The following SYNDIG1 variants were observed in gnomAD, a reference collection of about 807,000 sequenced individuals.
SYNDIG1 encodes the protein synapse differentiation-inducing gene protein 1.
A neutral mutation model predicts 19.4 loss-of-function variants in SYNDIG1; 9 were observed. The observed-to-expected ratio is 0.46, with a 90% CI of 0.28 to 0.81. The LOEUF (loss-of-function observed/expected upper bound fraction) is 0.81, where lower values mean the gene tolerates loss of function less well. SYNDIG1 is among the 30% of genes least tolerant of loss of function. SYNDIG1 has a pLI of 0.12. For synonymous variants in SYNDIG1, 141 were observed against 145.9 expected (o/e 0.97, Z 0.24); for missense variants, 311 against 343.3 (o/e 0.91, Z 0.74).
rs2059063796 is a variant in SYNDIG1, at chr20:24,623,091, A to C, written c.618+38098A>C. On this transcript the variant is annotated intron_variant, in intron 3 of 3. Coordinates refer to ENST00000376862, the MANE Select transcript of SYNDIG1 (RefSeq NM_024893.3). ...CTACTCGGGAGACTGAGACAGGAGA[A>C]TTGCTTGAACATAGGAGTCGGAGGT... Among the ~76,000 whole-genome samples, 3 of 151,634 alleles carry C rather than the reference A, an allele frequency of 2.0e-5. No individual in the cohort carries two copies. The South Asian group carries it at 6.3e-4, about 32-fold the overall frequency.
chr20:24,637,667 A>T (rs1004890447), intron 3 of SYNDIG1, among the ~76,000 whole-genome samples: 2 of 152,222 alleles, frequency 1.3e-5, no homozygotes, highest in Non-Finnish European at 2.9e-5. Flanking sequence ...TGATGCCAGA[A>T]ACAGAACAGG....
chr20:24,538,278 C>G (rs529417484), intron 1 of SYNDIG1, among the ~76,000 whole-genome samples: 1 of 152,162 alleles, frequency 6.6e-6, no homozygotes, highest in East Asian at 1.9e-4. Flanking sequence ...ACTCCCATCC[C>G]CTGGAAACCA....
intron 3 of SYNDIG1, among the ~76,000 whole-genome samples, chr20:24,646,856 G>C (rs1236130792): frequency 6.6e-6 from 1 of 152,068 alleles, no homozygotes; most frequent in African/African-American, 2.4e-5. Context: ...TCTGACCTCA[G>C]GTGATCCACC....
At chr20:24,500,277 C>A (rs2056406947) in intron 1 of SYNDIG1, among the ~76,000 whole-genome samples, 1 of 152,054 alleles carries the variant, frequency 6.6e-6, no homozygotes, top group Non-Finnish European at 1.5e-5. Flanking sequence ...AAATATAATT[C>A]ACAGAAATCG....
chr20:24,645,046 G>A (rs985282649), intron 3 of SYNDIG1, among the ~76,000 whole-genome samples: 7 of 152,196 alleles, frequency 4.6e-5, no homozygotes, highest in Admixed American at 4.6e-4. Context: ...TCTGACCCTG[G>A]AAAAATGCTC....
chr20:24,494,668 G>A (rs950105760), intron 1 of SYNDIG1, among the ~76,000 whole-genome samples: 5 of 152,198 alleles, frequency 3.3e-5, no homozygotes, highest in Non-Finnish European at 5.9e-5. Flanking sequence ...AGGCAGCAGG[G>A]ACCGGGGCCC....
chr20:24,492,732 C>A (rs1388019753), intron 1 of SYNDIG1, among the ~76,000 whole-genome samples: 1 of 152,236 alleles, frequency 6.6e-6, no homozygotes, highest in Non-Finnish European at 1.5e-5. Context: ...GGCCCAGCAC[C>A]CAGCTTACCA....
rs1463730652 is a variant in SYNDIG1, at chr20:24,648,966, G to C, written c.619-16380G>C. Among the ~76,000 whole-genome samples the C allele has an allele frequency of 9.2e-5, 14 of 152,220 alleles. 1 individual carries two copies. The East Asian group carries it at 2.7e-3, about 29-fold the overall frequency. On this transcript the variant is annotated intron_variant, in intron 3 of 3. Coordinates refer to ENST00000376862, the MANE Select transcript of SYNDIG1 (RefSeq NM_024893.3). ...CTTCATTCATGTCATCCAGGTGCAA[G>C]GTGCGATGTTAAGTGTTGAAAAAAG...
At chr20:24,660,269 T>C (rs2059571093) in intron 3 of SYNDIG1, among the ~76,000 whole-genome samples, 1 of 151,994 alleles carries the variant, frequency 6.6e-6, no homozygotes, top group Non-Finnish European at 1.5e-5. Context: ...TTTACGGGAG[T>C]GGAATTGTTG....
chr20:24,584,224 G>C (rs573497868), intron 2 of SYNDIG1, among the ~76,000 whole-genome samples: 1 of 152,084 alleles, frequency 6.6e-6, no homozygotes, highest in African/African-American at 2.4e-5. Flanking sequence ...AGCCACCCTC[G>C]TGCTCCAGGT....
At chr20:24,624,900 G>A (rs1272716355) in intron 3 of SYNDIG1, among the ~76,000 whole-genome samples, 1 of 152,002 alleles carries the variant, frequency 6.6e-6, no homozygotes, top group African/African-American at 2.4e-5. Flanking sequence ...GAAAGATACA[G>A]GTTATTTCTC....
chr20:24,626,573 A>T (rs1346710660), intron 3 of SYNDIG1, among the ~76,000 whole-genome samples: 1 of 142,960 alleles, frequency 7.0e-6, no homozygotes, highest in Non-Finnish European at 1.5e-5. Flanking sequence ...CCGGGCAGAG[A>T]CGCTCCTCAC....
chr20:24,581,193 C>A (rs1010633243), intron 2 of SYNDIG1, among the ~76,000 whole-genome samples: 24 of 152,140 alleles, frequency 1.6e-4, no homozygotes, highest in Non-Finnish European at 3.1e-4. Flanking sequence ...GGATTCCAGA[C>A]TCCAGCAGCC....
intron 3 of SYNDIG1, among the ~76,000 whole-genome samples, chr20:24,653,413 G>A (rs943082415): frequency 5.3e-5 from 8 of 152,084 alleles, no homozygotes; most frequent in Non-Finnish European, 1.2e-4. Flanking sequence ...AGTTGTAATC[G>A]GTAAAGCACC....
chr20:24,532,890 G>A (rs1364904872), intron 1 of SYNDIG1, among the ~76,000 whole-genome samples: 2 of 152,114 alleles, frequency 1.3e-5, no homozygotes, highest in Non-Finnish European at 2.9e-5. Context: ...TTAGGATTTA[G>A]GACCTTGTGG....
At chr20:24,474,813 C>T (rs532550618) in intron 1 of SYNDIG1, among the ~76,000 whole-genome samples, 41 of 152,318 alleles carry the variant, frequency 2.7e-4, no homozygotes, top group African/African-American at 8.9e-4. Context: ...ACTGGGCAGG[C>T]GCCCGCTTTC....
At chr20:24,591,173 C>T (rs922198796) in intron 3 of SYNDIG1, among the ~76,000 whole-genome samples, 10 of 151,610 alleles carry the variant, frequency 6.6e-5, no homozygotes, top group African/African-American at 2.2e-4. Context: ...TTTGGGAGGC[C>T]TAGGGAGAAG....
At chr20:24,633,608 G>T (rs149631836) in intron 3 of SYNDIG1, among the ~76,000 whole-genome samples, 2 of 152,080 alleles carry the variant, frequency 1.3e-5, no homozygotes. Flanking sequence ...TTTCCAGTTC[G>T]CAAGGGCTGG....
At chr20:24,576,603 C>T (rs1418608906) in intron 2 of SYNDIG1, among the ~76,000 whole-genome samples, 1 of 152,176 alleles carries the variant, frequency 6.6e-6, no homozygotes, top group Non-Finnish European at 1.5e-5. Flanking sequence ...TCACAGATCG[C>T]ATCTGAGCAC....
Sources: allele counts gnomAD v4.1 joint callset (sites outside exome capture counted in the v4.1 genomes callset), GRCh38; gene constraint gnomAD v4.1.1; transcripts MANE v1.5; gene names NCBI Gene and HGNC (gene_info 2026-07-23, HGNC 2026-07-21).